PAX2: variants seen among roughly 807,000 people sequenced by gnomAD.
The protein encoded by PAX2 is paired box protein Pax-2.
In PAX2, 9 loss-of-function variants were observed where a neutral mutation model predicts 41.7. That is an observed-to-expected ratio of 0.22 (90% confidence interval 0.13 to 0.38). The LOEUF (loss-of-function observed/expected upper bound fraction) is 0.38, where lower values mean the gene tolerates loss of function less well. Ranked by LOEUF, PAX2 falls within the 10% of genes least tolerant of loss-of-function variation. The pLI, the probability that PAX2 is intolerant of heterozygous loss-of-function variation, is 1.00. For synonymous variants in PAX2, 221 were observed against 212.7 expected (o/e 1.04, Z -0.34); for missense variants, 418 against 531.6 (o/e 0.79, Z 2.10).
chr10:100,806,658 G>A, intron 6 of PAX2, 53 bp downstream of exon 6: 2 of 1,549,924 alleles, frequency 1.3e-6, no homozygotes, highest in South Asian at 1.1e-5. Context: ...GCAGAGCAAG[G>A]CCTCTCAAAA....
At chr10:100,825,563 C>T (rs536800272) in intron 8 of PAX2, among the ~76,000 whole-genome samples, 12 of 152,316 alleles carry the variant, frequency 7.9e-5, no homozygotes, top group Admixed American at 3.3e-4. Context: ...CACCAAAACA[C>T]TCTTGTCTTA....
At chr10:100,790,953 G>A (rs894174154) in intron 5 of PAX2, among the ~76,000 whole-genome samples, 5 of 152,286 alleles carry the variant, frequency 3.3e-5, no homozygotes, top group Non-Finnish European at 5.9e-5. Context: ...GAGTTGCAGC[G>A]GAGCCAGTAA....
At chr10:100,762,222 A>G (rs1268889334) in intron 3 of PAX2, among the ~76,000 whole-genome samples, 3 of 151,446 alleles carry the variant, frequency 2.0e-5, no homozygotes, top group Non-Finnish European at 4.4e-5. Context: ...AACAAAACTA[A>G]GTGGCCATCA....
At chr10:100,766,026 C>G (rs1589830730) in intron 3 of PAX2, among the ~76,000 whole-genome samples, 1 of 152,326 alleles carries the variant, frequency 6.6e-6, no homozygotes, top group East Asian at 1.9e-4. Flanking sequence ...GCATCCTAAA[C>G]AACCCCATAG....
chr10:100,737,543 G>T (rs899030009), intron 1 of PAX2, among the ~76,000 whole-genome samples: 2 of 152,238 alleles, frequency 1.3e-5, no homozygotes, highest in African/African-American at 4.8e-5. Flanking sequence ...GGGAAAGGCG[G>T]GGGGGAGCTG....
At chr10:100,763,628 G>A (rs754635650) in intron 3 of PAX2, among the ~76,000 whole-genome samples, 1 of 152,192 alleles carries the variant, frequency 6.6e-6, no homozygotes, top group Non-Finnish European at 1.5e-5. Flanking sequence ...CTGCCTGTTA[G>A]GCCTGGTTTC....
rs1286304346 is a variant in PAX2, at chr10:100,748,546, G to A, written c.44-1200G>A. ...TGCCAGTCCGGGCCGACCCGACTCG[G>A]CCGCTAGAAGTCTCTGCGCTTGGAT... On this transcript the variant is annotated intron_variant, in intron 1 of 9. Transcript: ENST00000355243. This position sits in a 1 kb window ranked among gnomAD's most constrained non-coding sequence, Gnocchi z 5.0. The A allele has an allele frequency of 2.0e-6, 2 of 985,296 alleles. No homozygotes were observed. Among genetic ancestry groups the A allele is most frequent in the African/African-American group, 3.5e-5 (2 of 57,232 alleles). The allele number at this position is 985,296 out of a possible 1,614,324, so 61.0% of individuals were successfully genotyped here. A position where few individuals can be genotyped will look rare whatever the true frequency, so the allele number is the denominator to read the frequency against.
chr10:100,825,580 G>A (rs1848522239), intron 8 of PAX2, among the ~76,000 whole-genome samples: 1 of 152,168 alleles, frequency 6.6e-6, no homozygotes, highest in African/African-American at 2.4e-5. Context: ...CTTAAGGAGG[G>A]TTAGACTCAC....
chr10:100,794,389 G>T (rs1203278803), intron 5 of PAX2, among the ~76,000 whole-genome samples: 1 of 152,182 alleles, frequency 6.6e-6, no homozygotes, highest in Non-Finnish European at 1.5e-5. Flanking sequence ...TAGAGGTAAT[G>T]GCATTTGCCA....
intron 3 of PAX2, among the ~76,000 whole-genome samples, chr10:100,760,299 G>A (rs1845790066): frequency 1.3e-5 from 2 of 152,176 alleles, no homozygotes; most frequent in Admixed American, 6.5e-5. Context: ...GGATTGTTTG[G>A]TCCCAGAATG....
At chr10:100,770,637 G>A (rs899178338) in intron 3 of PAX2, among the ~76,000 whole-genome samples, 5 of 152,228 alleles carry the variant, frequency 3.3e-5, no homozygotes, top group South Asian at 2.1e-4. Flanking sequence ...TCAGGGGCAC[G>A]TGGCGGAAAG....
At chr10:100,780,675 C>T (rs1012412812) in intron 4 of PAX2, among the ~76,000 whole-genome samples, 25 of 152,294 alleles carry the variant, frequency 1.6e-4, no homozygotes, top group African/African-American at 5.3e-4. Context: ...GAGAAATGCA[C>T]ACTCCTGGGG....
chr10:100,794,106 G>A (rs913438185), intron 5 of PAX2, among the ~76,000 whole-genome samples: 6 of 152,180 alleles, frequency 3.9e-5, no homozygotes, highest in African/African-American at 1.2e-4. Flanking sequence ...ATTCTTAAGG[G>A]TCATCCTGTC....
chr10:100,762,879 C>T (rs998579903), intron 3 of PAX2, among the ~76,000 whole-genome samples: 3 of 152,180 alleles, frequency 2.0e-5, no homozygotes, highest in Non-Finnish European at 4.4e-5. Context: ...GTGGATTGGT[C>T]GCACCATGGG....
At chr10:100,749,672 G>C in intron 1 of PAX2, 74 bp from the exon 2 acceptor site, 1 of 1,554,454 alleles carries the variant, frequency 6.4e-7, no homozygotes, top group Non-Finnish European at 8.7e-7. Context: ...CGCCCGTCCC[G>C]GGCCGCGGAC....
rs1433524902 is a variant in PAX2, at chr10:100,829,397, G to T, written c.*1778G>T. 4.8e-6 allele frequency: 1 copy of T among 210,024 alleles called. No homozygotes were observed. Among genetic ancestry groups the T allele is most frequent in the Non-Finnish European group, 9.7e-6 (1 of 103,040 alleles). The allele number at this position is 210,024 out of a possible 1,614,324, so 13.0% of individuals were successfully genotyped here. A position where few individuals can be genotyped will look rare whatever the true frequency, so the allele number is the denominator to read the frequency against. ...CCGAGGTGGCAGCTCCAGCCCCCGG[G>T]CTCGCCCCCTCGCGGGCGTGCCCCG... On this transcript the variant is annotated 3_prime_UTR_variant, in exon 10 of 10. Transcript: ENST00000355243.
intron 7 of PAX2, among the ~76,000 whole-genome samples, chr10:100,820,404 A>C (rs1848338897): frequency 6.6e-6 from 1 of 152,180 alleles, no homozygotes; most frequent in African/African-American, 2.4e-5. Context: ...CATCATCTGG[A>C]AGGCTATTCA....
At chr10:100,817,934 G>A (rs530715325) in intron 7 of PAX2, among the ~76,000 whole-genome samples, 10 of 152,158 alleles carry the variant, frequency 6.6e-5, no homozygotes, top group Non-Finnish European at 1.3e-4. Flanking sequence ...TAAGGTGCTC[G>A]TAATTGTTAT....
intron 7 of PAX2, among the ~76,000 whole-genome samples, chr10:100,811,333 A>C (rs976585105): frequency 1.3e-5 from 2 of 152,376 alleles, no homozygotes; most frequent in Non-Finnish European, 2.9e-5. Flanking sequence ...TGCATAATCT[A>C]TTAAAGATGA....
Sources: gnomAD v4.1 joint callset for allele counts (sites outside exome capture counted in the v4.1 genomes callset) on GRCh38, gnomAD v4.1.1 for gene constraint, Gnocchi (gnomAD v3.1) non-coding constraint, MANE v1.5 for transcripts, NCBI Gene and HGNC (gene_info 2026-07-23, HGNC 2026-07-21) for gene names.